The following PEAK1 variants were observed in gnomAD, a reference collection of about 807,000 sequenced individuals.
PEAK1 encodes pseudopodium enriched atypical kinase 1, also known as inactive tyrosine-protein kinase PEAK1.
Under a neutral mutation model 124.7 loss-of-function variants are expected in PEAK1, and 54 were observed. The ratio of observed to expected loss-of-function variants is 0.43; its 90% CI spans 0.35 to 0.54. PEAK1 has a LOEUF of 0.54. Among genes scored for constraint, PEAK1 ranks in the 20% least tolerant of loss-of-function variants. The pLI is 0.01. For missense variants in PEAK1, 2,046 were observed against 2,134.5 expected, an observed-to-expected ratio of 0.96 and a Z score of 0.82; for synonymous variants, 719 against 760.0, an observed-to-expected ratio of 0.95 and a Z score of 0.89.
chr15:77,350,593 T>C, intron 2 of PEAK1: 1 of 975,206 alleles, frequency 1.0e-6, no homozygotes, highest in Non-Finnish European at 1.2e-6. Flanking sequence ...TAAGTATATG[T>C]GTGTTAGAGA....
At chr15:77,400,963 ATCCTT>A in intron 1 of PEAK1, among the ~76,000 whole-genome samples, 1 of 152,130 alleles carries the variant, frequency 6.6e-6, no homozygotes, top group African/African-American at 2.4e-5. Flanking sequence ...TTTGCATTTG[ATCCTT>A]ACTATTTCAA....
intron 2 of PEAK1, chr15:77,349,666 A>C: frequency 7.1e-6 from 7 of 984,698 alleles, no homozygotes; most frequent in Non-Finnish European, 8.4e-6. Context: ...AAATTACTTA[A>C]TCAATCCTTT....
chr15:77,166,156 T>A (rs1245169349), intron 7 of PEAK1, among the ~76,000 whole-genome samples: 4 of 152,130 alleles, frequency 2.6e-5, no homozygotes. Flanking sequence ...TCCAAAAAAA[T>A]TTTCCTTAAA....
chr15:77,133,165 T>TGG lies in PEAK1; in HGVS notation c.3916_3917insCC (p.Glu1306AlafsTer25). On this transcript the variant is annotated frameshift_variant, in exon 9 of 10. Transcript: ENST00000682557. LOFTEE classifies it high-confidence loss of function. This position sits in a 1 kb window ranked among gnomAD's most constrained non-coding sequence, Gnocchi z 4.2. The stretch of plus-strand genomic sequence containing the variant: ...TTTCTGCCCAGCCATGAAAAGGTCT[T>TGG]CGCATTTAACAGCCAGTTTCTTCAA... The TGG allele has an allele frequency of 6.2e-7, 1 of 1,614,224 alleles. No homozygotes were observed. The highest frequency in any genetic ancestry group is 8.5e-7 in the Non-Finnish European group (1 of 1,180,040).
chr15:77,124,216 A>G (rs548821455), intron 9 of PEAK1, among the ~76,000 whole-genome samples: 36 of 152,332 alleles, frequency 2.4e-4, no homozygotes, highest in Admixed American at 2.1e-3. Flanking sequence ...AGATTTTCCA[A>G]TTGCTCCTGC....
At chr15:77,130,961 G>A (rs2052804794) in intron 9 of PEAK1, among the ~76,000 whole-genome samples, 1 of 152,186 alleles carries the variant, frequency 6.6e-6, no homozygotes, top group African/African-American at 2.4e-5. Flanking sequence ...AAGCTACTAA[G>A]AGGCAGAACC....
chr15:77,253,846 T>TA (rs2060999106), intron 5 of PEAK1, among the ~76,000 whole-genome samples: 2 of 152,300 alleles, frequency 1.3e-5, no homozygotes, highest in East Asian at 1.9e-4. Flanking sequence ...TTTTTTGAGA[T>TA]AGAGTTTTGC....
chr15:77,124,322 G>A (rs1406071978), intron 9 of PEAK1, among the ~76,000 whole-genome samples: 1 of 152,206 alleles, frequency 6.6e-6, no homozygotes, highest in Non-Finnish European at 1.5e-5. Context: ...TCAAGTCTAT[G>A]ACCACATTTC....
intron 5 of PEAK1, among the ~76,000 whole-genome samples, chr15:77,275,006 G>T (rs910269441): frequency 2.7e-4 from 41 of 152,128 alleles, no homozygotes; most frequent in African/African-American, 9.9e-4. Context: ...TAAAATAATG[G>T]CATTTGCAGC....
At chr15:77,338,641 AAAAAT>A (rs1042248583) in intron 2 of PEAK1, among the ~76,000 whole-genome samples, 3 of 142,612 alleles carry the variant, frequency 2.1e-5, no homozygotes, top group African/African-American at 8.1e-5. Context: ...CTTTAAAAAA[AAAAAT>A]ATATATATAT....
intron 7 of PEAK1, among the ~76,000 whole-genome samples, chr15:77,161,612 TA>T (rs760239877): frequency 6.6e-6 from 1 of 152,128 alleles, no homozygotes; most frequent in Non-Finnish European, 1.5e-5. Flanking sequence ...AGTAAGAATT[TA>T]AAAAATGCAT....
chr15:77,116,941 GTATAA>G (rs1307347056), intron 9 of PEAK1, among the ~76,000 whole-genome samples: 2 of 152,156 alleles, frequency 1.3e-5, no homozygotes, highest in Non-Finnish European at 2.9e-5. Flanking sequence ...AGTATATGCA[GTATAA>G]TATATAATCC....
intron 5 of PEAK1, among the ~76,000 whole-genome samples, chr15:77,260,115 G>C (rs1052831495): frequency 1.6e-4 from 24 of 152,032 alleles, no homozygotes; most frequent in African/African-American, 5.6e-4. Context: ...GCTCCCTTCC[G>C]CAAGAAGAGA....
intron 2 of PEAK1, among the ~76,000 whole-genome samples, chr15:77,344,193 C>A (rs2066727942): frequency 6.6e-6 from 1 of 152,116 alleles, no homozygotes; most frequent in South Asian, 2.1e-4. Flanking sequence ...CTCCCGGGTT[C>A]ACGCCATTCT....
chr15:77,303,616 CTT>C (rs778927231), intron 2 of PEAK1, among the ~76,000 whole-genome samples: 4 of 152,266 alleles, frequency 2.6e-5, no homozygotes, highest in South Asian at 2.1e-4. Flanking sequence ...ATTGTTGAGT[CTT>C]AAGAGTTCTT....
chr15:77,254,679 C>A (rs2061042745), intron 5 of PEAK1, among the ~76,000 whole-genome samples: 1 of 152,082 alleles, frequency 6.6e-6, no homozygotes, highest in Non-Finnish European at 1.5e-5. Flanking sequence ...GCTATCTTCC[C>A]ACCACAGCCT....
At chr15:77,268,173 G>T (rs531532465) in intron 5 of PEAK1, among the ~76,000 whole-genome samples, 40 of 152,200 alleles carry the variant, frequency 2.6e-4, no homozygotes, top group Admixed American at 1.3e-3. Flanking sequence ...GAAGAAAAAA[G>T]AATTTTTAAA....
In PEAK1 at chr15:77,306,571, G is replaced by A. The variant is rs150308725; in HGVS notation, c.-602-20067C>T. Among the ~76,000 whole-genome samples, 602 of 152,204 alleles carry A rather than the reference G, an allele frequency of 4.0e-3. 2 individuals carry two copies. The highest frequency in any genetic ancestry group is 0.012 in the African/African-American group (490 of 41,542). ...CCATGTGATAAAATTTGGCATTTAC[G>A]TTTTGAACTGCCTAATCATTCCTTT... On this transcript the variant is annotated intron_variant, in intron 2 of 9. Coordinates refer to ENST00000682557, the MANE Select transcript of PEAK1 (RefSeq NM_001385026.1).
intron 1 of PEAK1, among the ~76,000 whole-genome samples, chr15:77,416,839 T>C (rs2072921594): frequency 1.3e-5 from 2 of 152,364 alleles, no homozygotes; most frequent in East Asian, 1.9e-4. Context: ...TTACTTTTTA[T>C]ACTGAATGCA....
Sources: gnomAD v4.1 joint callset for allele counts (sites outside exome capture counted in the v4.1 genomes callset) on GRCh38, gnomAD v4.1.1 for gene constraint, Gnocchi (gnomAD v3.1) non-coding constraint, MANE v1.5 for transcripts, NCBI Gene and HGNC (gene_info 2026-07-23, HGNC 2026-07-21) for gene names.